CNTN5: variants seen among roughly 807,000 people sequenced by gnomAD.
CNTN5 encodes contactin 5, also known as contactin-5.
CNTN5 carries 77 observed loss-of-function variants against 129.1 expected under a neutral mutation model. That is an observed-to-expected ratio of 0.60 (90% CI 0.50 to 0.72). CNTN5 has a LOEUF of 0.72. Among genes scored for constraint, CNTN5 ranks in the 30% least tolerant of loss-of-function variants. CNTN5 has a pLI of 0.00. For missense variants in CNTN5, 1,478 were observed against 1,328.8 expected (o/e 1.11, Z -1.75); for synonymous variants, 509 against 465.6 (o/e 1.09, Z -1.20).
At chr11:99,994,681 T>C (rs954136034) in intron 8 of CNTN5, among the ~76,000 whole-genome samples, 3 of 152,118 alleles carry the variant, frequency 2.0e-5, no homozygotes, top group Non-Finnish European at 2.9e-5. Flanking sequence ...ATTTTAAGAA[T>C]AGGCAGGGAA....
chr11:100,304,551 G>T (rs1951303078), intron 20 of CNTN5, among the ~76,000 whole-genome samples: 1 of 151,588 alleles, frequency 6.6e-6, no homozygotes. Flanking sequence ...GTGATGACGG[G>T]GGTCTAGATG....
chr11:99,137,445 A>G (rs1859285400), intron 1 of CNTN5, among the ~76,000 whole-genome samples: 1 of 152,116 alleles, frequency 6.6e-6, no homozygotes, highest in African/African-American at 2.4e-5. Context: ...TGCTCATTAT[A>G]CGAGGTAGTT....
At chr11:99,113,872 C>T (rs1236996444) in intron 1 of CNTN5, among the ~76,000 whole-genome samples, 2 of 152,150 alleles carry the variant, frequency 1.3e-5, no homozygotes, top group African/African-American at 2.4e-5. Context: ...TTCTCTAAAA[C>T]TAAGTATCCT....
At chr11:100,080,277 A>C in intron 13 of CNTN5, among the ~76,000 whole-genome samples, 1 of 151,954 alleles carries the variant, frequency 6.6e-6, no homozygotes, top group East Asian at 1.9e-4. Context: ...AAATTATCCT[A>C]TGGAGGTGCA....
chr11:99,920,484 T>A (rs1158658177), intron 7 of CNTN5, among the ~76,000 whole-genome samples: 1 of 152,154 alleles, frequency 6.6e-6, no homozygotes, highest in African/African-American at 2.4e-5. Flanking sequence ...GGCACTTCAA[T>A]CTTAACCATG....
intron 8 of CNTN5, among the ~76,000 whole-genome samples, chr11:99,997,757 T>C (rs1939552951): frequency 6.6e-6 from 1 of 152,050 alleles, no homozygotes; most frequent in Non-Finnish European, 1.5e-5. Context: ...AAATCCTCAA[T>C]AAAATACTGG....
intron 2 of CNTN5, among the ~76,000 whole-genome samples, chr11:99,369,405 C>A (rs971245138): frequency 6.6e-6 from 1 of 151,090 alleles, no homozygotes; most frequent in Non-Finnish European, 1.5e-5. Flanking sequence ...TCACTCTTAA[C>A]CCTGGCATTA....
chr11:100,166,137 G>C (rs547688650), intron 13 of CNTN5, among the ~76,000 whole-genome samples: 2 of 151,728 alleles, frequency 1.3e-5, no homozygotes, highest in East Asian at 2.0e-4. Context: ...CTACCAAATG[G>C]TACGTGATGC....
chr11:99,917,042 A>AT (rs201046168), intron 7 of CNTN5, among the ~76,000 whole-genome samples: 5 of 152,052 alleles, frequency 3.3e-5, no homozygotes, highest in South Asian at 2.1e-4. Context: ...TACTGTACAT[A>AT]TTTTTTTAAT....
chr11:99,626,962 T>C (rs1020593131), intron 3 of CNTN5, among the ~76,000 whole-genome samples: 13 of 152,140 alleles, frequency 8.5e-5, no homozygotes, highest in Non-Finnish European at 1.3e-4. Context: ...TATATTATCC[T>C]TAGTCAGCTC....
intron 2 of CNTN5, among the ~76,000 whole-genome samples, chr11:99,453,437 T>C (rs138327453): frequency 0.019 from 2,843 of 152,312 alleles, 40 homozygotes; most frequent in Middle Eastern, 0.048. Context: ...CATTACCAGA[T>C]GAATATTTGC....
At chr11:99,670,749 G>A (rs141897984) in intron 3 of CNTN5, among the ~76,000 whole-genome samples, 126 of 152,200 alleles carry the variant, frequency 8.3e-4, no homozygotes, top group Middle Eastern at 3.4e-3. Flanking sequence ...TAAAAAGCAC[G>A]GTCCCTGGAC....
intron 13 of CNTN5, among the ~76,000 whole-genome samples, chr11:100,183,207 G>A (rs1183313590): frequency 6.6e-6 from 1 of 152,080 alleles, no homozygotes; most frequent in African/African-American, 2.4e-5. Context: ...AAAGGTAAAC[G>A]TAAGCATAAA....
chr11:99,054,355 AT>A (rs552891047), intron 1 of CNTN5, among the ~76,000 whole-genome samples: 3 of 151,894 alleles, frequency 2.0e-5, no homozygotes, highest in Non-Finnish European at 4.4e-5. Flanking sequence ...GTAACACAAC[AT>A]TTGTCTTATG....
At chr11:99,730,088 A>G (rs1399416036) in intron 3 of CNTN5, among the ~76,000 whole-genome samples, 1 of 152,064 alleles carries the variant, frequency 6.6e-6, no homozygotes. Context: ...GAGGGCTAAG[A>G]TCCCTCCTTG....
intron 7 of CNTN5, among the ~76,000 whole-genome samples, chr11:99,935,765 T>C (rs1219097513): frequency 6.6e-6 from 1 of 152,130 alleles, no homozygotes; most frequent in Non-Finnish European, 1.5e-5. Flanking sequence ...ATTTGTGCAC[T>C]AGTTTTGAAT....
At chr11:100,245,306 C>T (rs11223383) in intron 16 of CNTN5, among the ~76,000 whole-genome samples, 1,599 of 152,244 alleles carry the variant, frequency 0.011, 37 homozygotes, top group African/African-American at 0.037. Context: ...GTGTATTTCT[C>T]CCAAACTTCA....
chr11:100,310,775 T>C (rs1365221291), intron 21 of CNTN5, among the ~76,000 whole-genome samples: 1 of 151,778 alleles, frequency 6.6e-6, no homozygotes, highest in Non-Finnish European at 1.5e-5. Flanking sequence ...AGTAGAGACA[T>C]GATGTAATGA....
chr11:99,966,178 A>G (rs2136208751), intron 8 of CNTN5, among the ~76,000 whole-genome samples: 1 of 152,346 alleles, frequency 6.6e-6, no homozygotes, highest in East Asian at 1.9e-4. Context: ...GAAAAAATGT[A>G]GACCTTTCTA....
Sources: allele counts gnomAD v4.1 joint callset (sites outside exome capture counted in the v4.1 genomes callset), GRCh38; gene constraint gnomAD v4.1.1; transcripts MANE v1.5; gene names NCBI Gene and HGNC (gene_info 2026-07-23, HGNC 2026-07-21).